SLC6A9: variants seen among roughly 807,000 people sequenced by gnomAD.
The protein encoded by SLC6A9 is solute carrier family 6 member 9, also known as sodium- and chloride-dependent glycine transporter 1.
Under a neutral mutation model 70.9 loss-of-function variants are expected in SLC6A9, and 31 were observed. The ratio of observed to expected loss-of-function variants is 0.44; its 90% confidence interval spans 0.33 to 0.59. The LOEUF (loss-of-function observed/expected upper bound fraction) is 0.59, where lower values mean the gene tolerates loss of function less well. SLC6A9 is among the 20% of genes least tolerant of loss of function. SLC6A9 has a pLI of 0.04. For missense variants in SLC6A9, 631 were observed against 845.2 expected (o/e 0.75, Z 3.14); for synonymous variants, 310 against 341.3 (o/e 0.91, Z 1.01).
Position 44,001,460 on chromosome 1 carries a change from A to G in SLC6A9, c.1130T>C (p.Leu377Pro). ...AGACCACAGCGGGGAGATGGGAAGT[A>G]GTGTGAGGGCCTCGGGGTAAGCCAC... ...AFVAYPEALT[L>P]LPISPLWSLL... is the part of the protein sequence containing the mutation. Residue 377 changes from leucine (L) to proline (P), a missense_variant, in exon 9 of 14, where the codon CTA becomes CCA. By Grantham distance (98) the Leu-to-Pro change is moderately conservative. Coordinates refer to ENST00000372310, the MANE Select transcript of SLC6A9 (RefSeq NM_001024845.3). 1 of 1,614,180 alleles carries G rather than the reference A, an allele frequency of 6.2e-7. No homozygotes were observed.
intron 12 of SLC6A9, among the ~76,000 whole-genome samples, chr1:43,998,317 C>T (rs750051092): frequency 3.3e-5 from 5 of 152,180 alleles, no homozygotes; most frequent in Non-Finnish European, 7.3e-5. Context: ...CAGTTCTGCT[C>T]GCTATGGCTC....
Position 44,002,745 on chromosome 1 carries a change from C to A in SLC6A9, c.724-99G>T. On this transcript the variant is annotated intron_variant, in intron 6 of 13. Transcript: ENST00000372310. This position sits in a 1 kb window ranked among gnomAD's most constrained non-coding sequence, Gnocchi z 5.5. ...CACCACCAGCCCCCTGGTCCCTCTC[C>A]GGCTCCGGAGTCCCTTCAGCATCCC... 6.3e-7 allele frequency: 1 copy of A among 1,593,540 alleles called. No homozygotes were observed. The highest frequency in any genetic ancestry group is 1.1e-5 in the South Asian group (1 of 90,008).
At position 44,008,484 on chromosome 1, in the gene SLC6A9, C is replaced by T. The variant is rs757214748; in HGVS notation, c.459G>A (p.Thr153=). 7 of 1,614,050 alleles carry T rather than the reference C, an allele frequency of 4.3e-6. No homozygotes were observed. The highest frequency in any genetic ancestry group is 1.7e-5 in the Admixed American group (1 of 60,002). Residue 153 remains threonine (T), a synonymous_variant, in exon 5 of 14, where the codon ACG becomes ACA. Coordinates refer to ENST00000372310, the MANE Select transcript of SLC6A9 (RefSeq NM_001024845.3). ...PWAYCNNPWN[T]HDCAGVLDAS... ...CGTCCAGTACACCGGCGCAGTCATG[C>T]GTGTTCCAGGGGTTATTGCAGTAGG...
rs552148215 is a variant in SLC6A9, at chr1:44,006,483, G to T, written c.590+1870C>A. Among the ~76,000 whole-genome samples the T allele has an allele frequency of 6.0e-5, 9 of 150,142 alleles. No homozygotes were observed. The East Asian group carries it at 1.4e-3, about 23-fold the overall frequency. ...GGTGCTTGTAATCCCAGCTACTAGG[G>T]AGGCTGAGGCAGGAGAATCGCTTAC... is the stretch of plus-strand genomic sequence containing the variant. On this transcript the variant is annotated intron_variant, in intron 5 of 13. Transcript: ENST00000372310.
chr1:44,011,633 T>G (rs1455861396), intron 2 of SLC6A9: 1 of 1,613,970 alleles, frequency 6.2e-7, no homozygotes, highest in African/African-American at 1.3e-5. Flanking sequence ...CATGCCAGAC[T>G]TTGAGGACAG....
chr1:44,017,433 G>T, intron 2 of SLC6A9: 1 of 1,092,662 alleles, frequency 9.2e-7, no homozygotes, highest in South Asian at 2.0e-5. Context: ...CAGGCGAGAG[G>T]GTGGCTCACT....
chr1:44,020,652 G>A (rs1017666368), intron 2 of SLC6A9, among the ~76,000 whole-genome samples: 1 of 152,194 alleles, frequency 6.6e-6, no homozygotes, highest in South Asian at 2.1e-4. Context: ...CCCTGTGCTT[G>A]GTGACCTCCC....
intron 5 of SLC6A9, among the ~76,000 whole-genome samples, chr1:44,007,050 C>G (rs2086344108): frequency 1.3e-5 from 2 of 152,196 alleles, no homozygotes; most frequent in Non-Finnish European, 1.5e-5. Context: ...CACTCAGCGT[C>G]CCACCTGCTC....
intron 5 of SLC6A9, among the ~76,000 whole-genome samples, chr1:44,007,696 G>T (rs2086368013): frequency 6.6e-6 from 1 of 152,100 alleles, no homozygotes; most frequent in Non-Finnish European, 1.5e-5. Context: ...ATCAGAGTAG[G>T]CTCCCTTCAG....
intron 2 of SLC6A9, among the ~76,000 whole-genome samples, chr1:44,015,186 T>C (rs1043351601): frequency 5.3e-5 from 8 of 152,346 alleles, no homozygotes; most frequent in African/African-American, 1.7e-4. Context: ...CAACAAAGCC[T>C]ACTCCCAGAG....
chr1:44,007,804 G>T (rs1358190997), intron 5 of SLC6A9, among the ~76,000 whole-genome samples: 1 of 151,926 alleles, frequency 6.6e-6, no homozygotes, highest in Non-Finnish European at 1.5e-5. Context: ...TCCTCTGAAG[G>T]CTGGTTTGCT....
intron 5 of SLC6A9, among the ~76,000 whole-genome samples, chr1:44,005,309 G>A (rs1289742283): frequency 6.6e-6 from 1 of 152,206 alleles, no homozygotes; most frequent in African/African-American, 2.4e-5. Context: ...TTGTGAAGAG[G>A]GTGGCGAGGG....
intron 2 of SLC6A9, among the ~76,000 whole-genome samples, chr1:44,022,141 C>T (rs764855539): frequency 7.2e-5 from 11 of 152,202 alleles, no homozygotes; most frequent in Admixed American, 2.0e-4. Flanking sequence ...ACAGGCTGGC[C>T]GGGCCGACCG....
chr1:43,997,647 A>T lies in SLC6A9; in HGVS notation c.1800T>A (p.Ser600=), dbSNP rs1279374513. The T allele has an allele frequency of 1.9e-6, 3 of 1,613,748 alleles. No homozygotes were observed. The South Asian group carries it at 3.3e-5, about 18-fold the overall frequency. ...GCTGGACCTCGAAGCCGTCCTCAGG[A>T]GAGGGGGCTATGGTGGGGGCGTAGC... ...TGRYAPTIAP[S]PEDGFEVQPL... is the part of the protein sequence containing the mutation. Residue 600 remains serine, a synonymous_variant, in exon 14 of 14, where the codon TCT becomes TCA. Transcript: ENST00000372310. This position sits in a 1 kb window ranked among gnomAD's most constrained non-coding sequence, Gnocchi z 4.4.
At chr1:44,010,948 C>G in intron 2 of SLC6A9, 66 bp from the exon 3 acceptor site, 1 of 1,556,532 alleles carries the variant, frequency 6.4e-7, no homozygotes, top group Non-Finnish European at 8.8e-7. Context: ...CCCTCTGGGC[C>G]TCCCCCAGCA....
rs562571521 is a variant in SLC6A9, at chr1:43,998,845, C to T, written c.1537-820G>A. 3.3e-5 allele frequency among the ~76,000 whole-genome samples: 5 copies of T among 152,280 alleles called. No homozygotes were observed. In the East Asian group the frequency reaches 5.8e-4, roughly 18 times the overall value. On this transcript the variant is annotated intron_variant, in intron 12 of 13. Transcript: ENST00000372310. The stretch of plus-strand genomic sequence containing the variant: ...GCTAGAAATGGTGAGTGTCAGGCTG[C>T]GGTGCTCTAGGGAACCTCCTTGGAA...
chr1:44,023,535 G>C (rs2086926174), intron 2 of SLC6A9, among the ~76,000 whole-genome samples: 4 of 152,250 alleles, frequency 2.6e-5, no homozygotes, highest in South Asian at 2.1e-4. Context: ...CCAGCTATTT[G>C]GGAGGCTGAG....
intron 1 of SLC6A9, 140 bp downstream of exon 1, chr1:44,031,166 T>TCACA (rs66939562): frequency 0.14 from 20,560 of 148,136 alleles, 1,831 homozygotes; most frequent in African/African-American, 0.26. Context: ...ACATGCGCGA[T>TCACA]CACACACACA....
In SLC6A9 at chr1:44,002,840, G is replaced by T. The variant is rs902353464; in HGVS notation, c.723+13C>A. ...CTGGGTGGGCACAGACCCTGCTGGG[G>T]AGGGGTACTTGCTTTCCCTGAAGAC... On this transcript the variant is annotated intron_variant, in intron 6 of 13. Transcript: ENST00000372310. The surrounding 1 kb of genome is among the most constrained non-coding windows in gnomAD (Gnocchi z 5.5). The T allele has an allele frequency of 6.2e-7, 1 of 1,614,010 alleles. No homozygotes were observed. The highest frequency in any genetic ancestry group is 8.5e-7 in the Non-Finnish European group (1 of 1,179,970).
Sources: gnomAD v4.1 joint callset for allele counts (sites outside exome capture counted in the v4.1 genomes callset) on GRCh38, gnomAD v4.1.1 for gene constraint, Gnocchi (gnomAD v3.1) non-coding constraint, MANE v1.5 for transcripts, NCBI Gene and HGNC (gene_info 2026-07-23, HGNC 2026-07-21) for gene names.